COL21A1: variants seen among roughly 807,000 people sequenced by gnomAD.
The protein encoded by COL21A1 is collagen alpha-1(XXI) chain.
COL21A1 carries 149 observed loss-of-function variants against 137.9 expected under a neutral mutation model. That is an observed-to-expected ratio of 1.08 (90% CI 0.95 to 1.24). COL21A1 has a LOEUF of 1.24. COL21A1 is among the 50% of genes most tolerant of loss of function. The probability of loss-of-function intolerance (pLI) is 0.00; values close to 1 mark genes in which losing one functional copy is unlikely to be tolerated. For missense variants in COL21A1, 1,167 were observed against 1,158.4 expected (o/e 1.01, Z -0.11); for synonymous variants, 456 against 391.5 (o/e 1.16, Z -1.95).
intron 1 of COL21A1, among the ~76,000 whole-genome samples, chr6:56,330,616 C>T (rs1414253935): frequency 1.3e-5 from 2 of 152,058 alleles, no homozygotes; most frequent in African/African-American, 4.8e-5. Flanking sequence ...GGATAATAAA[C>T]ATTGTACCCA....
At chr6:56,128,058 A>C (rs2152216702) in intron 12 of COL21A1, among the ~76,000 whole-genome samples, 1 of 152,320 alleles carries the variant, frequency 6.6e-6, no homozygotes, top group Middle Eastern at 3.4e-3. Context: ...TTGTGCTGGA[A>C]GGTCTTTAGG....
intron 1 of COL21A1, among the ~76,000 whole-genome samples, chr6:56,258,096 T>C (rs545866078): frequency 5.3e-5 from 8 of 152,274 alleles, no homozygotes; most frequent in Admixed American, 5.2e-4. Flanking sequence ...AAGGGGTGTC[T>C]TTTTGACTAA....
Position 56,255,925 on chromosome 6 carries a change from A to C in COL21A1, c.-38-73269T>G, listed in dbSNP as rs536526562. Among the ~76,000 whole-genome samples, 5 of 152,230 alleles carry C rather than the reference A, an allele frequency of 3.3e-5. No individual in the cohort carries two copies. The East Asian group carries it at 9.6e-4, about 29-fold the overall frequency. ...TAGGGTTCTTCTGAACCTGAACCAC[A>C]ACAATTCTAGGAGGTCTGCTTGGCT... is the stretch of plus-strand genomic sequence containing the variant. On this transcript the variant is annotated intron_variant, in intron 1 of 28. Coordinates refer to the COL21A1 transcript ENST00000370819.
chr6:56,381,192 A>G (rs976355252), intron 1 of COL21A1, among the ~76,000 whole-genome samples: 1 of 152,154 alleles, frequency 6.6e-6, no homozygotes, highest in African/African-American at 2.4e-5. Flanking sequence ...GTCATTTGTC[A>G]TTTAATTTTG....
chr6:56,362,811 T>A (rs1251864761), intron 1 of COL21A1, among the ~76,000 whole-genome samples: 1 of 152,188 alleles, frequency 6.6e-6, no homozygotes, highest in Admixed American at 6.5e-5. Flanking sequence ...GCTGTGCAAG[T>A]CCCTAGCTGT....
upstream of COL21A1, among the ~76,000 whole-genome samples, chr6:56,252,257 C>T (rs796869868): frequency 2.0e-5 from 3 of 152,300 alleles, no homozygotes; most frequent in African/African-American, 7.2e-5. Context: ...AAGCTTTTCC[C>T]TTATTGCATA....
chr6:56,137,117 C>G (rs1337516443), intron 12 of COL21A1, among the ~76,000 whole-genome samples: 1 of 152,132 alleles, frequency 6.6e-6, no homozygotes, highest in African/African-American at 2.4e-5. Context: ...TAACTTGACA[C>G]AAATGACTTA....
At chr6:56,274,731 A>G (rs1349163106) in intron 1 of COL21A1, among the ~76,000 whole-genome samples, 2 of 152,156 alleles carry the variant, frequency 1.3e-5, no homozygotes, top group Admixed American at 1.3e-4. Context: ...ATGAAACAAA[A>G]AAATGGAAAA....
At chr6:56,276,399 A>T (rs761675734) in intron 1 of COL21A1, 2 of 558,418 alleles carry the variant, frequency 3.6e-6, no homozygotes, top group South Asian at 4.4e-5. Flanking sequence ...AATAATTTTT[A>T]AAAAGGTTTC....
At chr6:56,150,701 T>C (rs1775254146) in intron 10 of COL21A1, among the ~76,000 whole-genome samples, 1 of 152,184 alleles carries the variant, frequency 6.6e-6, no homozygotes, top group Non-Finnish European at 1.5e-5. Context: ...TCTAGAATTT[T>C]ACAGCTTAGT....
intron 1 of COL21A1, among the ~76,000 whole-genome samples, chr6:56,338,153 C>T (rs1317435005): frequency 5.3e-5 from 8 of 151,550 alleles, no homozygotes; most frequent in South Asian, 2.1e-4. Flanking sequence ...TTAGTAGAGA[C>T]GGGGGTTTCA....
At chr6:56,124,764 C>T (rs1020465916) in intron 14 of COL21A1, among the ~76,000 whole-genome samples, 1 of 151,910 alleles carries the variant, frequency 6.6e-6, no homozygotes, top group African/African-American at 2.4e-5. Context: ...GCCTCAGGCT[C>T]CCGAGTAGCT....
intron 16 of COL21A1, among the ~76,000 whole-genome samples, chr6:56,104,506 T>TG (rs1770710166): frequency 6.6e-6 from 1 of 152,166 alleles, no homozygotes; most frequent in South Asian, 2.1e-4. Context: ...AACCAGCCTG[T>TG]GAAATTTAAT....
intron 1 of COL21A1, among the ~76,000 whole-genome samples, chr6:56,234,057 G>GA (rs1289353011): frequency 4.4e-4 from 66 of 151,638 alleles, no homozygotes; most frequent in African/African-American, 1.5e-3. Flanking sequence ...CCAAATAACA[G>GA]AAAAAATCAT....
At chr6:56,072,873 T>C (rs990033018) in intron 20 of COL21A1, among the ~76,000 whole-genome samples, 2 of 151,558 alleles carry the variant, frequency 1.3e-5, no homozygotes, top group African/African-American at 4.8e-5. Flanking sequence ...CTTAGATCTA[T>C]TTTTAACAAA....
At chr6:56,205,876 C>G (rs1779745356) in intron 1 of COL21A1, among the ~76,000 whole-genome samples, 1 of 152,136 alleles carries the variant, frequency 6.6e-6, no homozygotes, top group Non-Finnish European at 1.5e-5. Flanking sequence ...TCATATCCAG[C>G]CAAACTAAGC....
chr6:56,354,767 G>A lies in COL21A1; in HGVS notation c.-39+39204C>T, dbSNP rs1055906384. On this transcript the variant is annotated intron_variant, in intron 1 of 28. Transcript: ENST00000370819. ...TGCCTGCAGCCCCATCTACTGCGAGGAGGATCTCTTGATCCTGGGAGGTCA... is the reference window on the plus strand; with the variant it reads ...TGCCTGCAGCCCCATCTACTGCGAGAAGGATCTCTTGATCCTGGGAGGTCA... Among the ~76,000 whole-genome samples the A allele has an allele frequency of 2.1e-4, 32 of 152,254 alleles. 1 individual carries two copies. In the Middle Eastern group the frequency reaches 0.014, roughly 65 times the overall value.
At chr6:56,292,677 G>A (rs899028274) in intron 1 of COL21A1, among the ~76,000 whole-genome samples, 1 of 152,116 alleles carries the variant, frequency 6.6e-6, no homozygotes, top group Non-Finnish European at 1.5e-5. Context: ...ACTGGTCAGT[G>A]CATGACCTTC....
chr6:56,137,574 A>G (rs1414644783), intron 12 of COL21A1, among the ~76,000 whole-genome samples: 3 of 152,204 alleles, frequency 2.0e-5, no homozygotes, highest in Admixed American at 6.6e-5. Flanking sequence ...AAAGAAATAG[A>G]TTTCTAAACT....
Sources: allele counts gnomAD v4.1 joint callset (sites outside exome capture counted in the v4.1 genomes callset), GRCh38; gene constraint gnomAD v4.1.1; transcripts MANE v1.5; gene names NCBI Gene and HGNC (gene_info 2026-07-23, HGNC 2026-07-21).